Variants in GPATCH2L observed in about 807,000 individuals in gnomAD.
GPATCH2L encodes G patch domain-containing protein 2-like.
GPATCH2L carries 31 observed loss-of-function variants against 57.4 expected under a neutral mutation model. The ratio of observed to expected loss-of-function variants is 0.54; its 90% CI spans 0.41 to 0.73. The LOEUF (loss-of-function observed/expected upper bound fraction) is 0.73. GPATCH2L is among the 30% of genes least tolerant of loss of function. The pLI, the probability that GPATCH2L is intolerant of heterozygous loss-of-function variation, is 0.00. For synonymous variants in GPATCH2L, 199 were observed against 210.7 expected, an observed-to-expected ratio of 0.94 and a Z score of 0.48; for missense variants, 481 against 599.9, an observed-to-expected ratio of 0.80 and a Z score of 2.07.
chr14:76,193,821 G>A (rs767660117), intron 8 of GPATCH2L, among the ~76,000 whole-genome samples: 3 of 152,142 alleles, frequency 2.0e-5, no homozygotes, highest in Non-Finnish European at 4.4e-5. Flanking sequence ...CAGATAAAGA[G>A]GAAAGAAGCA....
intron 1 of GPATCH2L, among the ~76,000 whole-genome samples, chr14:76,152,272 G>C (rs1566761137): frequency 6.6e-6 from 1 of 150,594 alleles, no homozygotes; most frequent in Admixed American, 6.6e-5. Context: ...AGCCATGGTC[G>C]CCCCAGCCCT....
chr14:76,232,019 T>TGCAGGC (rs1351063450), intron 2 of GPATCH2L, among the ~76,000 whole-genome samples: 1 of 4,610 alleles, frequency 2.2e-4, no homozygotes, highest in African/African-American at 9.9e-4. Context: ...TCAAGCAATC[T>TGCAGGC]TCCTGCTTCA....
rs1218177393 is a variant in GPATCH2L at position 76,206,970 on chromosome 14, A to G, written c.*5119A>G. The G allele has an allele frequency of 6.6e-6, 1 of 152,080 alleles. No homozygotes were observed. Among genetic ancestry groups the G allele is most frequent in the African/African-American group, 2.4e-5 (1 of 41,388 alleles). 9.4% of individuals were successfully genotyped at this position (152,080 alleles called of 1,614,324 possible). On this transcript the variant is annotated 3_prime_UTR_variant, in exon 10 of 10. Coordinates refer to ENST00000261530, the MANE Select transcript of GPATCH2L (RefSeq NM_017926.4). ...CCTGAAAGATCTTTTTGAAGAATTG[A>G]CAAAGGATGCTATCAAGGGCTATGT...
chr14:76,154,800 A>G lies in GPATCH2L; in HGVS notation c.437A>G (p.Lys146Arg). 1 of 1,613,500 alleles carries G rather than the reference A, an allele frequency of 6.2e-7. No homozygotes were observed. Among genetic ancestry groups the G allele is most frequent in the Non-Finnish European group, 8.5e-7 (1 of 1,179,350 alleles). ...TSEVAASLQQ[K>R]LKVSDWSYER... ...GAGGTGGCTGCTAGCCTTCAGCAGA[A>G]GCTGAAGGTGTCAGATTGGAGCTAT... Residue 146 changes from lysine (K) to arginine (R), a missense_variant, in exon 2 of 10, where the codon AAG becomes AGG. Physicochemically the swap from Lys to Arg is conservative, Grantham distance 26. Around this residue, in one of 3 missense-constraint regions of GPATCH2L, gnomAD observed 208 missense variants for 272.4 expected, o/e 0.76. Coordinates refer to ENST00000261530, the MANE Select transcript of GPATCH2L (RefSeq NM_017926.4). The surrounding 1 kb of genome is among the most constrained non-coding windows in gnomAD (Gnocchi z 4.4).
At chr14:76,217,336 G>A (rs2040494211), downstream of GPATCH2L, among the ~76,000 whole-genome samples, 1 of 152,112 alleles carries the variant, frequency 6.6e-6, no homozygotes, top group African/African-American at 2.4e-5. Context: ...AAAGACTGTG[G>A]ACCCATGCTT....
rs1465765648 is a variant in GPATCH2L at position 76,213,437 on chromosome 14, CAAAG to C, written c.*11590_*11593del. ...AATACTTTTAAAGACCCAATGAAAA[CAAAG>C]AAATGCATTTGGAGAATTAACAGAA... On this transcript the variant is annotated 3_prime_UTR_variant, in exon 10 of 10. Transcript: ENST00000261530. The C allele has an allele frequency of 3.3e-5, 5 of 152,054 alleles. No individual in the cohort carries two copies. The highest frequency in any genetic ancestry group is 5.9e-5 in the Non-Finnish European group (4 of 67,984). 9.4% of individuals were successfully genotyped at this position (152,054 alleles called of 1,614,324 possible). A position where few individuals can be genotyped will look rare whatever the true frequency, so the allele number is the denominator to read the frequency against.
rs1311265387 is a variant in GPATCH2L, at chr14:76,222,507, TGA to T, written c.66-7299_66-7298del. ...CTGTAATCCCAGCTACTCAGGAGGC[TGA>T]GGTGGGGGAATCACCTGAGCCAGGG... On this transcript the variant is annotated intron_variant and NMD_transcript_variant, in intron 1 of 3. Coordinates refer to the GPATCH2L transcript ENST00000556372. Among the ~76,000 whole-genome samples the T allele has an allele frequency of 5.5e-4, 83 of 152,186 alleles. 2 individuals are homozygous for T. In the South Asian group the frequency reaches 0.017, roughly 31 times the overall value.
In GPATCH2L at chr14:76,209,773, T is replaced by G. The variant is rs1214315561; in HGVS notation, c.*7922T>G. 1 of 152,240 alleles carries G rather than the reference T, an allele frequency of 6.6e-6. No individual in the cohort carries two copies. Among genetic ancestry groups the G allele is most frequent in the Non-Finnish European group, 1.5e-5 (1 of 68,056 alleles). 9.4% of individuals were successfully genotyped at this position (152,240 alleles called of 1,614,324 possible). On this transcript the variant is annotated 3_prime_UTR_variant, in exon 10 of 10. Transcript: ENST00000261530. ...TACAGTGAAACTTGGGGTTCCACTT[T>G]CATCAGATGTGACCCTGTGTGTTCC...
intron 4 of GPATCH2L, 30 bp from the exon 5 acceptor site, chr14:76,173,516 C>T (rs955109085): frequency 1.7e-5 from 25 of 1,456,866 alleles, no homozygotes; most frequent in African/African-American, 2.8e-5. Flanking sequence ...TTTCTGCATT[C>T]GGTATCTGAG....
downstream of GPATCH2L, among the ~76,000 whole-genome samples, chr14:76,214,532 C>CT (rs1484000829): frequency 6.6e-6 from 1 of 152,166 alleles, no homozygotes; most frequent in Non-Finnish European, 1.5e-5. Flanking sequence ...GATTCAATGT[C>CT]TGGTGAGAGC....
At chr14:76,182,209 T>C (rs1022264498) in intron 8 of GPATCH2L, among the ~76,000 whole-genome samples, 1 of 151,748 alleles carries the variant, frequency 6.6e-6, no homozygotes, top group African/African-American at 2.4e-5. Context: ...TACAAAAAAT[T>C]AGCCAGGTGT....
In GPATCH2L at chr14:76,173,669, T is replaced by A. The variant is rs373935229; in HGVS notation, c.984+44T>A. ...AGCTTGGCTCAGTGGGGAGATAATA[T>A]TCCCTATGGGAGTTGTGTATCCTAT... On this transcript the variant is annotated intron_variant, in intron 5 of 9. Transcript: ENST00000261530. 1.1e-4 allele frequency: 127 copies of A among 1,168,354 alleles called. No homozygotes were observed. The Middle Eastern group carries it at 1.2e-3, about 11-fold the overall frequency. The allele number at this position is 1,168,354 out of a possible 1,614,324, so 72.4% of individuals were successfully genotyped here. A position where few individuals can be genotyped will look rare whatever the true frequency, so the allele number is the denominator to read the frequency against.
rs2040390939 is a variant in GPATCH2L at position 76,207,406 on chromosome 14, A to G, written c.*5555A>G. 1 of 152,208 alleles carries G rather than the reference A, an allele frequency of 6.6e-6. No homozygotes were observed. The highest frequency in any genetic ancestry group is 2.4e-5 in the African/African-American group (1 of 41,450). The allele number at this position is 152,208 out of a possible 1,614,324, so 9.4% of individuals were successfully genotyped here. A position where few individuals can be genotyped will look rare whatever the true frequency, so the allele number is the denominator to read the frequency against. ...AGTCATTTTTCACAATTGGCAGTAA[A>G]AATAGGATTTGTGTAAGGTATGAGT... On this transcript the variant is annotated 3_prime_UTR_variant, in exon 10 of 10. Transcript: ENST00000261530.
chr14:76,212,226 G>A lies in GPATCH2L; in HGVS notation c.*10375G>A, dbSNP rs1304070479. ...CCATAGAATAGGAACAAATGTACCT[G>A]TCATATTAATAAAAGTAAACTTATC... On this transcript the variant is annotated 3_prime_UTR_variant, in exon 10 of 10. Coordinates refer to ENST00000261530, the MANE Select transcript of GPATCH2L (RefSeq NM_017926.4). 1 of 152,078 alleles carries A rather than the reference G, an allele frequency of 6.6e-6. No homozygotes were observed. 9.4% of individuals were successfully genotyped at this position (152,078 alleles called of 1,614,324 possible).
chr14:76,178,220 C>G, intron 7 of GPATCH2L, 178 bp downstream of exon 7: 2 of 1,505,382 alleles, frequency 1.3e-6, no homozygotes, highest in Non-Finnish European at 1.8e-6. Flanking sequence ...TTGAACTTTG[C>G]AGTAAGAAAG....
downstream of GPATCH2L, among the ~76,000 whole-genome samples, chr14:76,216,198 G>C (rs1233165154): frequency 1.3e-5 from 2 of 152,102 alleles, no homozygotes; most frequent in African/African-American, 4.8e-5. Context: ...AAGGAAAATT[G>C]CCTTTCTTGA....
intron 8 of GPATCH2L, among the ~76,000 whole-genome samples, chr14:76,193,912 C>A (rs1028465821): frequency 1.3e-5 from 2 of 152,260 alleles, no homozygotes; most frequent in Non-Finnish European, 2.9e-5. Flanking sequence ...TGAATAAGAT[C>A]AGAGTGCTTG....
At chr14:76,229,285 G>A (rs2040549693) in intron 1 of GPATCH2L, among the ~76,000 whole-genome samples, 1 of 152,188 alleles carries the variant, frequency 6.6e-6, no homozygotes, top group Non-Finnish European at 1.5e-5. Flanking sequence ...GTCAAACCAG[G>A]CCATGCATTC....
chr14:76,197,778 T>G (rs553672776), intron 9 of GPATCH2L, among the ~76,000 whole-genome samples: 1 of 152,324 alleles, frequency 6.6e-6, no homozygotes, highest in East Asian at 1.9e-4. Flanking sequence ...TATCGGACTC[T>G]TCACCAGTGT....
Sources: gnomAD v4.1 joint callset for allele counts (sites outside exome capture counted in the v4.1 genomes callset) on GRCh38, gnomAD v4.1.1 for gene constraint, gnomAD v4.1.1 regional missense constraint, Gnocchi (gnomAD v3.1) non-coding constraint, MANE v1.5 for transcripts, NCBI Gene and HGNC (gene_info 2026-07-23, HGNC 2026-07-21) for gene names.